Variants in ESRRG observed in about 807,000 individuals in gnomAD.
ESRRG encodes estrogen related receptor gamma, also known as estrogen-related receptor gamma.
Under a neutral mutation model 44.0 loss-of-function variants are expected in ESRRG, and 13 were observed. The ratio of observed to expected loss-of-function variants is 0.30; its 90% CI spans 0.19 to 0.47. ESRRG has a LOEUF of 0.47. Ranked by LOEUF, ESRRG falls within the 20% of genes least tolerant of loss-of-function variation. ESRRG has a pLI of 1.00. For missense variants in ESRRG, 395 were observed against 580.6 expected, an observed-to-expected ratio of 0.68 and a Z score of 3.29; for synonymous variants, 215 against 214.6, an observed-to-expected ratio of 1.00 and a Z score of -0.02.
At chr1:216,671,631 C>T (rs909644649) in intron 2 of ESRRG, among the ~76,000 whole-genome samples, 9 of 152,172 alleles carry the variant, frequency 5.9e-5, no homozygotes, top group Admixed American at 1.3e-4. Flanking sequence ...GTTAAGGTCT[C>T]ACAGCTGGTA....
chr1:216,986,160 A>G (rs545027968), intron 1 of ESRRG, among the ~76,000 whole-genome samples: 2 of 152,288 alleles, frequency 1.3e-5, no homozygotes, highest in East Asian at 3.9e-4. Flanking sequence ...CCCAGGAATG[A>G]TCCCAGACAT....
chr1:217,080,307 C>T (rs915144288), intron 1 of ESRRG, among the ~76,000 whole-genome samples: 1 of 152,114 alleles, frequency 6.6e-6, no homozygotes, highest in Non-Finnish European at 1.5e-5. Context: ...GAAAAAAACT[C>T]AAGTTGGGTC....
intron 6 of ESRRG, among the ~76,000 whole-genome samples, chr1:216,512,310 A>G (rs73106505): frequency 0.078 from 11,844 of 152,224 alleles, 1,524 homozygotes; most frequent in African/African-American, 0.27. Flanking sequence ...CAGAAAAAAC[A>G]TGATGAACTT....
At chr1:217,123,659 A>C (rs2092851470) in intron 1 of ESRRG, among the ~76,000 whole-genome samples, 1 of 152,192 alleles carries the variant, frequency 6.6e-6, no homozygotes, top group African/African-American at 2.4e-5. Flanking sequence ...AGGAAAAGAA[A>C]AACAAACACC....
intron 1 of ESRRG, among the ~76,000 whole-genome samples, chr1:217,130,238 A>C (rs1369167689): frequency 6.6e-6 from 1 of 151,972 alleles, no homozygotes; most frequent in Non-Finnish European, 1.5e-5. Flanking sequence ...TTACTTATTT[A>C]CCTATTTATA....
chr1:216,846,714 T>C (rs1381848146), intron 2 of ESRRG, among the ~76,000 whole-genome samples: 1 of 152,110 alleles, frequency 6.6e-6, no homozygotes, highest in Non-Finnish European at 1.5e-5. Context: ...GTTGCATGCT[T>C]GATTTTTCAC....
intron 3 of ESRRG, among the ~76,000 whole-genome samples, chr1:216,582,927 G>A (rs754874281): frequency 3.7e-4 from 57 of 152,152 alleles, no homozygotes; most frequent in African/African-American, 5.3e-4. Flanking sequence ...ACAAAGGAGC[G>A]GAAGAAACTG....
At chr1:216,996,423 A>G (rs1270187889) in intron 1 of ESRRG, among the ~76,000 whole-genome samples, 2 of 152,102 alleles carry the variant, frequency 1.3e-5, no homozygotes, top group Non-Finnish European at 2.9e-5. Flanking sequence ...AGGTAACAGT[A>G]TAGATAAATC....
At chr1:217,101,396 A>G (rs556827759) in intron 1 of ESRRG, among the ~76,000 whole-genome samples, 1 of 152,378 alleles carries the variant, frequency 6.6e-6, no homozygotes, top group South Asian at 2.1e-4. Context: ...AACTAATATC[A>G]GTTATTATTT....
At chr1:216,689,842 T>A (rs568582801) in intron 1 of ESRRG, among the ~76,000 whole-genome samples, 4 of 150,628 alleles carry the variant, frequency 2.7e-5, no homozygotes, top group African/African-American at 1.0e-4. Flanking sequence ...AATGTGCTAA[T>A]TCTGATATCT....
upstream of ESRRG, among the ~76,000 whole-genome samples, chr1:217,091,851 TC>T (rs1179442889): frequency 6.6e-6 from 1 of 152,216 alleles, no homozygotes; most frequent in Non-Finnish European, 1.5e-5. Flanking sequence ...CAATCTACCA[TC>T]CTGGTTCTCC....
intron 3 of ESRRG, among the ~76,000 whole-genome samples, chr1:216,636,076 A>G (rs1381655163): frequency 6.6e-6 from 1 of 152,180 alleles, no homozygotes; most frequent in African/African-American, 2.4e-5. Flanking sequence ...TATTATCACT[A>G]TTTTACAGAC....
At chr1:216,778,253 G>C (rs550670121) in intron 2 of ESRRG, among the ~76,000 whole-genome samples, 10 of 151,980 alleles carry the variant, frequency 6.6e-5, no homozygotes, top group Admixed American at 1.3e-4. Flanking sequence ...AGTGGATCCC[G>C]CCAGGAGCTC....
At chr1:216,977,833 G>A (rs1295491523) in intron 1 of ESRRG, among the ~76,000 whole-genome samples, 2 of 152,114 alleles carry the variant, frequency 1.3e-5, no homozygotes, top group Non-Finnish European at 2.9e-5. Flanking sequence ...CGGTCCTCAT[G>A]AATGGATTCA....
chr1:216,803,996 G>T (rs536531492), intron 2 of ESRRG, among the ~76,000 whole-genome samples: 1 of 149,196 alleles, frequency 6.7e-6, no homozygotes, highest in South Asian at 2.1e-4. Flanking sequence ...CCCTCCATCT[G>T]CCCTCCCTTT....
chr1:216,597,708 T>A (rs2058643544), intron 3 of ESRRG, among the ~76,000 whole-genome samples: 1 of 152,182 alleles, frequency 6.6e-6, no homozygotes, highest in African/African-American at 2.4e-5. Flanking sequence ...TACTGATAAC[T>A]GAGATACTAC....
chr1:216,923,155 C>T (rs1002643018), intron 2 of ESRRG, among the ~76,000 whole-genome samples: 1 of 152,168 alleles, frequency 6.6e-6, no homozygotes, highest in African/African-American at 2.4e-5. Context: ...TCAACAAAGC[C>T]TTTTCATTAG....
chr1:216,636,445 T>C (rs983792535), intron 3 of ESRRG, among the ~76,000 whole-genome samples: 3 of 152,246 alleles, frequency 2.0e-5, no homozygotes, highest in Non-Finnish European at 4.4e-5. Context: ...TTAGATACTT[T>C]TTTTCAGTGA....
intron 1 of ESRRG, among the ~76,000 whole-genome samples, chr1:216,999,275 G>T (rs1454660188): frequency 2.0e-5 from 3 of 152,166 alleles, no homozygotes; most frequent in African/African-American, 7.2e-5. Context: ...ACCTGCCACA[G>T]TGGCAGCACA....
Sources: gnomAD v4.1 joint callset for allele counts (sites outside exome capture counted in the v4.1 genomes callset) on GRCh38, gnomAD v4.1.1 for gene constraint, MANE v1.5 for transcripts, NCBI Gene and HGNC (gene_info 2026-07-23, HGNC 2026-07-21) for gene names.